PLA2G4A: variants seen among roughly 807,000 people sequenced by gnomAD.
PLA2G4A encodes the protein cytosolic phospholipase A2.
A neutral mutation model predicts 81.9 loss-of-function variants in PLA2G4A; 40 were observed. That is an observed-to-expected ratio of 0.49 (90% CI 0.38 to 0.64). PLA2G4A has a LOEUF of 0.64. Ranked by LOEUF, PLA2G4A falls within the 30% of genes least tolerant of loss-of-function variation. PLA2G4A has a pLI of 0.00. For synonymous variants in PLA2G4A, 302 were observed against 296.9 expected, an observed-to-expected ratio of 1.02 and a Z score of -0.18; for missense variants, 715 against 905.1, an observed-to-expected ratio of 0.79 and a Z score of 2.69.
chr1:186,979,943 CTTT>C (rs34029312), intron 17 of PLA2G4A, among the ~76,000 whole-genome samples: 6 of 98,802 alleles, frequency 6.1e-5, no homozygotes, highest in African/African-American at 1.7e-4. Flanking sequence ...ACAGCATTTC[CTTT>C]TTTTTTTTTT....
Position 186,840,751 on chromosome 1 carries a change from A to G in PLA2G4A, c.-70+11716A>G, listed in dbSNP as rs184138920. On this transcript the variant is annotated intron_variant, in intron 1 of 17. Coordinates refer to ENST00000367466, the MANE Select transcript of PLA2G4A (RefSeq NM_024420.3). ...TTAAGCCAGTTTGATGGTTTTCCTG[A>G]GTGTTTTCCCTGAACTGTTTACCTT... Among the ~76,000 whole-genome samples the G allele has an allele frequency of 3.2e-3, 486 of 152,270 alleles. 6 individuals are homozygous for G. Among genetic ancestry groups the G allele is most frequent in the African/African-American group, 0.011 (461 of 41,548 alleles).
intron 8 of PLA2G4A, among the ~76,000 whole-genome samples, chr1:186,934,475 G>A (rs60197104): frequency 1.1e-5 from 1 of 88,692 alleles, no homozygotes; most frequent in Non-Finnish European, 3.0e-5. Context: ...CATACACAGA[G>A]AGAGTAATTA....
intron 7 of PLA2G4A, among the ~76,000 whole-genome samples, chr1:186,923,190 A>G (rs1039559357): frequency 2.0e-4 from 31 of 152,202 alleles, no homozygotes; most frequent in African/African-American, 7.2e-4. Flanking sequence ...TTGCTTGTCA[A>G]TATAATAGAC....
intron 5 of PLA2G4A, among the ~76,000 whole-genome samples, chr1:186,898,379 T>A (rs1571379311): frequency 6.6e-6 from 1 of 152,214 alleles, no homozygotes; most frequent in East Asian, 1.9e-4. Context: ...TATCTATTCA[T>A]TGATTTACTT....
At chr1:186,901,466 G>A (rs1654538678) in intron 5 of PLA2G4A, among the ~76,000 whole-genome samples, 1 of 152,118 alleles carries the variant, frequency 6.6e-6, no homozygotes, top group African/African-American at 2.4e-5. Flanking sequence ...TTAGGCACTT[G>A]GATCATTTTT....
intron 9 of PLA2G4A, among the ~76,000 whole-genome samples, chr1:186,939,590 TGAATA>T (rs1656076598): frequency 6.6e-6 from 1 of 152,006 alleles, no homozygotes; most frequent in African/African-American, 2.4e-5. Flanking sequence ...GAAGTTTGCC[TGAATA>T]GAGTCAAGAA....
In PLA2G4A at chr1:186,867,868, C is replaced by T. The variant is rs1047528717; in HGVS notation, c.34-2567C>T. Among the ~76,000 whole-genome samples the T allele has an allele frequency of 7.5e-4, 114 of 151,758 alleles. 2 individuals are homozygous for T. The highest frequency in any genetic ancestry group is 1.8e-4 in the Non-Finnish European group (12 of 67,954). ...GTCCTTTATCAAGTTGATAAAGCTCCCTTCTATTTCTAGCTCACTGAAATT... is the reference window on the plus strand; with the variant it reads ...GTCCTTTATCAAGTTGATAAAGCTCTCTTCTATTTCTAGCTCACTGAAATT... On this transcript the variant is annotated intron_variant, in intron 2 of 17. Transcript: ENST00000367466.
At chr1:186,893,838 C>T (rs540373916) in intron 4 of PLA2G4A, among the ~76,000 whole-genome samples, 13 of 149,384 alleles carry the variant, frequency 8.7e-5, no homozygotes, top group South Asian at 2.1e-4. Flanking sequence ...GCAGGAGATT[C>T]GCTTGAATCT....
chr1:186,928,360 T>C (rs976250606), intron 7 of PLA2G4A, among the ~76,000 whole-genome samples: 12 of 152,186 alleles, frequency 7.9e-5, no homozygotes, highest in African/African-American at 2.9e-4. Flanking sequence ...TCTTGCTTAC[T>C]TTGAATAAGC....
chr1:186,849,084 T>G (rs1652287276), intron 1 of PLA2G4A, among the ~76,000 whole-genome samples: 1 of 152,170 alleles, frequency 6.6e-6, no homozygotes, highest in South Asian at 2.1e-4. Context: ...TTTAACATCA[T>G]TTGACATTAA....
chr1:186,860,031 TG>T (rs1344244365), intron 2 of PLA2G4A, among the ~76,000 whole-genome samples: 1 of 152,030 alleles, frequency 6.6e-6, no homozygotes, highest in African/African-American at 2.4e-5. Context: ...GGACTGTAAA[TG>T]AGTTAATAAT....
chr1:186,914,644 C>T (rs1022620798), intron 7 of PLA2G4A, among the ~76,000 whole-genome samples: 12 of 152,148 alleles, frequency 7.9e-5, no homozygotes, highest in African/African-American at 2.4e-4. Flanking sequence ...CAGTGCTTTT[C>T]TATGCAATAT....
chr1:186,985,161 T>C (rs1370440758), intron 17 of PLA2G4A, among the ~76,000 whole-genome samples: 2 of 152,192 alleles, frequency 1.3e-5, no homozygotes, highest in African/African-American at 4.8e-5. Flanking sequence ...AGTCTTTTCA[T>C]ATGGTTATTC....
intron 5 of PLA2G4A, among the ~76,000 whole-genome samples, chr1:186,895,003 T>A (rs1216562794): frequency 6.6e-6 from 1 of 152,168 alleles, no homozygotes; most frequent in Non-Finnish European, 1.5e-5. Flanking sequence ...TCCAAGTCCC[T>A]ACATTCACCT....
chr1:186,921,737 T>G (rs1470550958), intron 7 of PLA2G4A, among the ~76,000 whole-genome samples: 1 of 151,924 alleles, frequency 6.6e-6, no homozygotes, highest in Non-Finnish European at 1.5e-5. Context: ...TCTTCTGGAG[T>G]TGGGTCGGAC....
At chr1:186,911,139 G>C in intron 6 of PLA2G4A, 109 bp from the exon 7 acceptor site, 1 of 850,140 alleles carries the variant, frequency 1.2e-6, no homozygotes, top group Non-Finnish European at 2.1e-6. Context: ...CTTGAGGGAA[G>C]CAGTCAGCAT....
chr1:186,836,032 C>G (rs1374473935), intron 1 of PLA2G4A, among the ~76,000 whole-genome samples: 1 of 151,854 alleles, frequency 6.6e-6, no homozygotes, highest in South Asian at 2.1e-4. Context: ...CAATGAAAAG[C>G]AATAAAAGAA....
intron 3 of PLA2G4A, among the ~76,000 whole-genome samples, chr1:186,890,859 A>AG (rs1458008390): frequency 6.6e-6 from 1 of 151,770 alleles, no homozygotes; most frequent in African/African-American, 2.4e-5. Flanking sequence ...CTCAAAAAAA[A>AG]AAAAAAAGGA....
chr1:186,926,135 T>C (rs1655539484), intron 7 of PLA2G4A, among the ~76,000 whole-genome samples: 1 of 152,200 alleles, frequency 6.6e-6, no homozygotes, highest in African/African-American at 2.4e-5. Flanking sequence ...TTGGTTGGCA[T>C]TTTTTCTTAG....
Sources: allele counts gnomAD v4.1 joint callset (sites outside exome capture counted in the v4.1 genomes callset), GRCh38; gene constraint gnomAD v4.1.1; transcripts MANE v1.5; gene names NCBI Gene and HGNC (gene_info 2026-07-23, HGNC 2026-07-21).